Variants in FARS2 observed in about 807,000 individuals in gnomAD.
FARS2 encodes phenylalanine--tRNA ligase, mitochondrial.
Under a neutral mutation model 46.4 loss-of-function variants are expected in FARS2, and 40 were observed. The observed-to-expected ratio is 0.86, with a 90% CI of 0.67 to 1.12. The LOEUF (loss-of-function observed/expected upper bound fraction) is 1.12, where lower values mean the gene tolerates loss of function less well. Ranked by LOEUF, FARS2 falls within the 50% of genes most tolerant of loss-of-function variation. The pLI is 0.00. For synonymous variants in FARS2, 234 were observed against 214.9 expected, an observed-to-expected ratio of 1.09 and a Z score of -0.78; for missense variants, 513 against 567.9, an observed-to-expected ratio of 0.90 and a Z score of 0.98.
At chr6:5,424,051 G>T (rs141963104) in intron 3 of FARS2, among the ~76,000 whole-genome samples, 22 of 152,270 alleles carry the variant, frequency 1.4e-4, no homozygotes, top group African/African-American at 4.6e-4. Context: ...AACAGCAAGG[G>T]CAAGGAAGGC....
At position 5,365,071 on chromosome 6, in the gene FARS2, C is replaced by CA. The variant is rs1261963263; in HGVS notation, c.-21-3468dup. On this transcript the variant is annotated intron_variant, in intron 1 of 6. Coordinates refer to ENST00000274680, the MANE Select transcript of FARS2 (RefSeq NM_006567.5). ...CTCAGAAACAAAAAAAAGCCAAAGC[C>CA]AAAAAAAAAAACCCCAAACAGACTA... Among the ~76,000 whole-genome samples, 289 of 138,994 alleles carry CA rather than the reference C, an allele frequency of 2.1e-3. 2 individuals are homozygous for CA. The East Asian group carries it at 0.031, about 15-fold the overall frequency. The allele number at this position is 138,994 out of a possible 152,430, so 91.2% of individuals were successfully genotyped here.
intron 4 of FARS2, among the ~76,000 whole-genome samples, chr6:5,461,822 G>A (rs1208591167): frequency 6.6e-6 from 1 of 152,128 alleles, no homozygotes; most frequent in African/African-American, 2.4e-5. Context: ...CTATTTACCA[G>A]TCAGTGGGCG....
intron 1 of FARS2, among the ~76,000 whole-genome samples, chr6:5,359,008 A>C (rs1758115732): frequency 6.9e-6 from 1 of 144,472 alleles, no homozygotes; most frequent in African/African-American, 2.6e-5. Context: ...TCTCAATCGA[A>C]TTATAGTGAT....
intron 6 of FARS2, among the ~76,000 whole-genome samples, chr6:5,730,734 A>G (rs1336512792): frequency 6.6e-6 from 1 of 152,074 alleles, no homozygotes; most frequent in Non-Finnish European, 1.5e-5. Flanking sequence ...GTCTTCACTT[A>G]CTCTTATTAA....
chr6:5,477,320 C>G (rs1257417095), intron 4 of FARS2, among the ~76,000 whole-genome samples: 11 of 152,142 alleles, frequency 7.2e-5, no homozygotes, highest in Non-Finnish European at 1.0e-4. Context: ...CACAACAGAC[C>G]TCCTTCAGGT....
chr6:5,637,006 A>G (rs1166698423), intron 6 of FARS2, among the ~76,000 whole-genome samples: 2 of 152,266 alleles, frequency 1.3e-5, no homozygotes, highest in African/African-American at 4.8e-5. Context: ...CATTCCGAGA[A>G]GAAGCAAAGC....
intron 5 of FARS2, among the ~76,000 whole-genome samples, chr6:5,548,499 A>T (rs1344090544): frequency 6.6e-6 from 1 of 152,244 alleles, no homozygotes; most frequent in East Asian, 1.9e-4. Context: ...ATAAAGCTGT[A>T]TCTAATTTAC....
intron 1 of FARS2, among the ~76,000 whole-genome samples, chr6:5,338,566 C>T (rs1180905597): frequency 1.3e-5 from 2 of 151,882 alleles, no homozygotes; most frequent in African/African-American, 4.8e-5. Context: ...AATGCTCTCC[C>T]TTTTCCCCAC....
intron 6 of FARS2, among the ~76,000 whole-genome samples, chr6:5,719,433 G>GGAAAGAAA (rs1468910011): frequency 2.9e-4 from 4 of 13,600 alleles, no homozygotes; most frequent in African/African-American, 1.2e-3. Flanking sequence ...GAAAAAGAAA[G>GGAAAGAAA]GAAAGAAAGA....
intron 5 of FARS2, among the ~76,000 whole-genome samples, chr6:5,563,373 A>G (rs1582456824): frequency 6.6e-6 from 1 of 152,206 alleles, no homozygotes. Context: ...GGGAATCTCC[A>G]TGTTTGGGTA....
chr6:5,447,844 G>A (rs1031471155), intron 4 of FARS2, among the ~76,000 whole-genome samples: 3 of 152,202 alleles, frequency 2.0e-5, no homozygotes, highest in African/African-American at 7.2e-5. Flanking sequence ...TTTGATGAGG[G>A]ATGCAGTCTC....
intron 1 of FARS2, among the ~76,000 whole-genome samples, chr6:5,275,357 C>G (rs573014489): frequency 2.0e-5 from 3 of 152,238 alleles, no homozygotes; most frequent in Middle Eastern, 3.4e-3. Flanking sequence ...CTGATTTTAT[C>G]ATTATTTCTT....
At chr6:5,299,134 G>C (rs1768106102) in intron 1 of FARS2, among the ~76,000 whole-genome samples, 1 of 152,194 alleles carries the variant, frequency 6.6e-6, no homozygotes, top group Admixed American at 6.5e-5. Flanking sequence ...CTAGATTTCA[G>C]TACAAGCTTT....
chr6:5,627,765 G>A (rs746800078), intron 6 of FARS2, among the ~76,000 whole-genome samples: 8 of 152,170 alleles, frequency 5.3e-5, no homozygotes, highest in African/African-American at 1.2e-4. Context: ...CATCAACAAC[G>A]TATGTTATAT....
At chr6:5,644,630 G>T (rs188998122) in intron 6 of FARS2, among the ~76,000 whole-genome samples, 1 of 152,232 alleles carries the variant, frequency 6.6e-6, no homozygotes, top group Non-Finnish European at 1.5e-5. Context: ...CAAAGTGCTG[G>T]ATTACAGGCG....
intron 6 of FARS2, among the ~76,000 whole-genome samples, chr6:5,752,877 C>T (rs76679792): frequency 2.6e-5 from 4 of 152,006 alleles, no homozygotes; most frequent in Admixed American, 2.6e-4. Flanking sequence ...TCCCCAAGAC[C>T]CCCCCCAGGT....
intron 5 of FARS2, among the ~76,000 whole-genome samples, chr6:5,570,136 T>C (rs1772557251): frequency 6.6e-6 from 1 of 152,228 alleles, no homozygotes; most frequent in Non-Finnish European, 1.5e-5. Flanking sequence ...CTCCCAAATG[T>C]TTCTGTCTGT....
intron 6 of FARS2, among the ~76,000 whole-genome samples, chr6:5,715,473 G>A (rs1379205836): frequency 6.6e-6 from 1 of 152,024 alleles, no homozygotes; most frequent in Non-Finnish European, 1.5e-5. Flanking sequence ...ACTGCCCCCT[G>A]TCTCCTTGTT....
At chr6:5,698,364 C>T (rs1399723185) in intron 6 of FARS2, among the ~76,000 whole-genome samples, 6 of 152,084 alleles carry the variant, frequency 3.9e-5, no homozygotes, top group Non-Finnish European at 7.4e-5. Context: ...AGGTGCCACA[C>T]GCACCAGAAT....
Sources: gnomAD v4.1 joint callset for allele counts (sites outside exome capture counted in the v4.1 genomes callset) on GRCh38, gnomAD v4.1.1 for gene constraint, MANE v1.5 for transcripts, NCBI Gene and HGNC (gene_info 2026-07-23, HGNC 2026-07-21) for gene names.